The following CASTOR2 variants were observed in gnomAD, a reference collection of about 807,000 sequenced individuals.
The protein encoded by CASTOR2 is cytosolic arginine sensor for mTORC1 subunit 2, also known as GATS protein like 2.
CASTOR2 carries 8 observed loss-of-function variants against 31.2 expected under a neutral mutation model. The observed-to-expected ratio is 0.26, with a 90% confidence interval of 0.15 to 0.46. CASTOR2 has a LOEUF of 0.46. Ranked by LOEUF, CASTOR2 falls within the 20% of genes least tolerant of loss-of-function variation. The pLI, the probability that CASTOR2 is intolerant of heterozygous loss-of-function variation, is 0.99. For synonymous variants in CASTOR2, 162 were observed against 158.7 expected, an observed-to-expected ratio of 1.02 and a Z score of -0.16; for missense variants, 216 against 382.1, an observed-to-expected ratio of 0.57 and a Z score of 3.62.
chr7:75,022,233 G>T (rs906937620), intron 7 of CASTOR2, among the ~76,000 whole-genome samples: 1 of 152,150 alleles, frequency 6.6e-6, no homozygotes, highest in South Asian at 2.1e-4. Context: ...AGCTGGGCGC[G>T]GTGGCTCGTG....
chr7:74,996,782 G>A (rs1584467750), intron 1 of CASTOR2, among the ~76,000 whole-genome samples: 1 of 131,496 alleles, frequency 7.6e-6, no homozygotes, highest in South Asian at 2.5e-4. Flanking sequence ...AGGCTGGAGT[G>A]CAGTGGCGCG....
At chr7:75,010,339 G>A (rs1368878670) in intron 2 of CASTOR2, among the ~76,000 whole-genome samples, 1 of 152,052 alleles carries the variant, frequency 6.6e-6, no homozygotes, top group Non-Finnish European at 1.5e-5. Flanking sequence ...GAGGTAGGCA[G>A]GGTAAGTTTG....
At chr7:75,021,768 C>G in intron 6 of CASTOR2, 106 bp from the exon 7 acceptor site, 8 of 1,423,738 alleles carry the variant, frequency 5.6e-6, no homozygotes, top group Non-Finnish European at 7.8e-6. Context: ...TCTGCCCAAC[C>G]CTGCCTGGCC....
intron 2 of CASTOR2, among the ~76,000 whole-genome samples, chr7:75,011,462 C>T (rs1485208532): frequency 1.4e-5 from 2 of 147,898 alleles, no homozygotes; most frequent in Non-Finnish European, 3.0e-5. Flanking sequence ...AGGCCGGGCG[C>T]GGTGGCTCAC....
chr7:74,993,825 A>G (rs2131933350), intron 1 of CASTOR2, among the ~76,000 whole-genome samples: 1 of 151,876 alleles, frequency 6.6e-6, no homozygotes, highest in South Asian at 2.1e-4. Context: ...AAACACTTGT[A>G]ATTCTCTTCT....
At chr7:74,990,244 C>T (rs782525024) in intron 1 of CASTOR2, among the ~76,000 whole-genome samples, 6 of 151,718 alleles carry the variant, frequency 4.0e-5, no homozygotes, top group South Asian at 2.1e-4. Flanking sequence ...AAAAATTAGC[C>T]GGGCATGGTA....
chr7:74,999,717 A>G (rs1804449530), intron 1 of CASTOR2, among the ~76,000 whole-genome samples: 3 of 140,886 alleles, frequency 2.1e-5, no homozygotes, highest in African/African-American at 8.1e-5. Flanking sequence ...TCCCAGATTC[A>G]AGTGATTCTC....
intron 1 of CASTOR2, among the ~76,000 whole-genome samples, chr7:75,003,763 AAAC>A (rs1287439516): frequency 3.3e-5 from 5 of 151,894 alleles, no homozygotes; most frequent in Non-Finnish European, 7.4e-5. Context: ...AAAAAACAGA[AAAC>A]AACAACAACA....
At chr7:74,977,277 C>A (rs1422290207) in intron 1 of CASTOR2, among the ~76,000 whole-genome samples, 1 of 150,910 alleles carries the variant, frequency 6.6e-6, no homozygotes, top group African/African-American at 2.4e-5. Context: ...TATAACAGAT[C>A]TGCAGTATGA....
At chr7:74,993,317 G>A (rs1328197615) in intron 1 of CASTOR2, among the ~76,000 whole-genome samples, 1 of 152,106 alleles carries the variant, frequency 6.6e-6, no homozygotes, top group Non-Finnish European at 1.5e-5. Flanking sequence ...GCAAATGCAG[G>A]CTGGGCCAGT....
intron 1 of CASTOR2, among the ~76,000 whole-genome samples, chr7:75,003,896 C>T (rs1804552160): frequency 6.6e-6 from 1 of 152,166 alleles, no homozygotes. Context: ...CCAAGGTGCA[C>T]ATTCCGAGAT....
rs1805252224 is a variant in CASTOR2 at position 75,029,864 on chromosome 7, C to A, written c.*5165C>A. On this transcript the variant is annotated 3_prime_UTR_variant, in exon 9 of 9. Transcript: ENST00000616305. ...GGAGGGGGTTAGGCCTGGTGGGGGC[C>A]CATTCAAAGGAGGCCGGGCTCGGTG... is the stretch of plus-strand genomic sequence containing the variant. Among the ~76,000 whole-genome samples the A allele has an allele frequency of 6.6e-6, 1 of 152,176 alleles. No individual in the cohort carries two copies. The highest frequency in any genetic ancestry group is 1.9e-4 in the East Asian group (1 of 5,156).
intron 1 of CASTOR2, among the ~76,000 whole-genome samples, chr7:74,990,184 G>A (rs1288412038): frequency 6.6e-6 from 1 of 151,212 alleles, no homozygotes; most frequent in Admixed American, 6.6e-5. Flanking sequence ...GTCAGGAGAT[G>A]GAGACCATCC....
chr7:75,023,399 C>A (rs1338607991), intron 7 of CASTOR2, among the ~76,000 whole-genome samples: 1 of 151,902 alleles, frequency 6.6e-6, no homozygotes, highest in African/African-American at 2.4e-5. Context: ...TTCCCTAAGA[C>A]TTAGTCTTTC....
chr7:75,028,484 G>T lies in CASTOR2; in HGVS notation c.*3785G>T, dbSNP rs1483015001. On this transcript the variant is annotated 3_prime_UTR_variant, in exon 9 of 9. Coordinates refer to ENST00000616305, the MANE Select transcript of CASTOR2 (RefSeq NM_001145064.3). ...TGCCACTTGAGCTCCTGGAGTGTGT[G>T]TCTTGGCCCCTGTGTGGTTCTCCAT... Among the ~76,000 whole-genome samples the T allele has an allele frequency of 6.6e-6, 1 of 152,046 alleles. No individual in the cohort carries two copies.
chr7:75,011,829 TG>T (rs1804756565), intron 2 of CASTOR2, among the ~76,000 whole-genome samples: 1 of 146,732 alleles, frequency 6.8e-6, no homozygotes, highest in African/African-American at 2.6e-5. Flanking sequence ...TAGCTGGGCG[TG>T]GTGGCGCATG....
At chr7:75,000,964 G>T (rs1804480920) in intron 1 of CASTOR2, among the ~76,000 whole-genome samples, 1 of 152,114 alleles carries the variant, frequency 6.6e-6, no homozygotes, top group South Asian at 2.1e-4. Context: ...CACCCGGCAG[G>T]CCAGGCCGTT....
intron 1 of CASTOR2, among the ~76,000 whole-genome samples, chr7:75,003,290 TAAA>T (rs2131941244): frequency 6.6e-6 from 1 of 151,456 alleles, no homozygotes; most frequent in East Asian, 1.9e-4. Flanking sequence ...CTACAAAAAA[TAAA>T]AAATTAGCCG....
At chr7:75,001,436 G>T (rs1804493478) in intron 1 of CASTOR2, among the ~76,000 whole-genome samples, 1 of 152,136 alleles carries the variant, frequency 6.6e-6, no homozygotes, top group Admixed American at 6.5e-5. Context: ...TCTGGCATTT[G>T]CTCCTCTTTC....
Sources: gnomAD v4.1 joint callset for allele counts (sites outside exome capture counted in the v4.1 genomes callset) on GRCh38, gnomAD v4.1.1 for gene constraint, MANE v1.5 for transcripts, NCBI Gene and HGNC (gene_info 2026-07-23, HGNC 2026-07-21) for gene names.